BAZ2B: variants seen among roughly 807,000 people sequenced by gnomAD.
The protein encoded by BAZ2B is bromodomain adjacent to zinc finger domain 2B, also known as bromodomain adjacent to zinc finger domain protein 2B.
BAZ2B carries 91 observed loss-of-function variants against 246.0 expected under a neutral mutation model. The ratio of observed to expected loss-of-function variants is 0.37; its 90% confidence interval spans 0.31 to 0.44. The LOEUF (loss-of-function observed/expected upper bound fraction) is 0.44, where lower values mean the gene tolerates loss of function less well. Among genes scored for constraint, BAZ2B ranks in the 20% least tolerant of loss-of-function variants. The pLI is 1.00. For synonymous variants in BAZ2B, 855 were observed against 860.0 expected (o/e 0.99, Z 0.10); for missense variants, 2,332 against 2,533.7 (o/e 0.92, Z 1.71).
At chr2:159,436,914 A>G (rs184858523) in intron 8 of BAZ2B, among the ~76,000 whole-genome samples, 1 of 152,336 alleles carries the variant, frequency 6.6e-6, no homozygotes, top group East Asian at 1.9e-4. Context: ...CTTTAAGAAA[A>G]TAATGAACTA....
At chr2:159,564,942 C>T (rs2090221918) in intron 1 of BAZ2B, among the ~76,000 whole-genome samples, 1 of 152,200 alleles carries the variant, frequency 6.6e-6, no homozygotes, top group Admixed American at 6.5e-5. Flanking sequence ...ACGATCTTGG[C>T]TCACTGCAAC....
chr2:159,691,866 ATGAACACT>A, the BAZ2B span, among the ~76,000 whole-genome samples: 1 of 152,242 alleles, frequency 6.6e-6, no homozygotes, highest in Non-Finnish European at 1.5e-5. Flanking sequence ...AGCATATACT[ATGAACACT>A]TGAGCTCACC....
At chr2:159,561,112 C>T (rs1459796692) in intron 1 of BAZ2B, among the ~76,000 whole-genome samples, 2 of 152,118 alleles carry the variant, frequency 1.3e-5, no homozygotes, top group Non-Finnish European at 2.9e-5. Context: ...CCCACCAAAT[C>T]TCATGTTGAA....
At chr2:159,392,533 T>G (rs2063476415) in intron 20 of BAZ2B, among the ~76,000 whole-genome samples, 1 of 152,152 alleles carries the variant, frequency 6.6e-6, no homozygotes, top group Admixed American at 6.6e-5. Flanking sequence ...TTCACCTGTT[T>G]CTTCATGGAC....
the BAZ2B span, among the ~76,000 whole-genome samples, chr2:159,627,772 CCT>C: frequency 2.0e-5 from 3 of 152,032 alleles, no homozygotes; most frequent in African/African-American, 7.3e-5. Context: ...ACAAGGATGC[CCT>C]CTCTCACCTC....
At chr2:159,481,555 A>C (rs2079230802) in intron 2 of BAZ2B, among the ~76,000 whole-genome samples, 2 of 151,944 alleles carry the variant, frequency 1.3e-5, no homozygotes, top group Non-Finnish European at 2.9e-5. Flanking sequence ...AATATCAATT[A>C]AATGAAAAGA....
At chr2:159,517,414 C>T (rs1259900012) in intron 2 of BAZ2B, among the ~76,000 whole-genome samples, 1 of 151,800 alleles carries the variant, frequency 6.6e-6, no homozygotes, top group Non-Finnish European at 1.5e-5. Flanking sequence ...AAAAACCCAA[C>T]TCCATCAAAA....
Position 159,331,490 on chromosome 2 carries a change from C to T in BAZ2B, c.5943+1050G>A, listed in dbSNP as rs555567137. Reference sequence around the variant, plus strand: ...TCAAGCGGTTCTCCTGCCTGAGCCCCCCAAATAGTTGGGACTACAGGCATG... The same window carrying T: ...TCAAGCGGTTCTCCTGCCTGAGCCCTCCAAATAGTTGGGACTACAGGCATG... On this transcript the variant is annotated intron_variant, in intron 34 of 36. Coordinates refer to ENST00000392783, the MANE Select transcript of BAZ2B (RefSeq NM_013450.4). 1.3e-5 allele frequency among the ~76,000 whole-genome samples: 2 copies of T among 152,350 alleles called. 1 individual carries two copies. The highest frequency in any genetic ancestry group is 4.1e-4 in the South Asian group (2 of 4,828).
intron 36 of BAZ2B, among the ~76,000 whole-genome samples, chr2:159,323,801 C>CAAAAAAAAAAAAAA (rs70994291): frequency 7.8e-6 from 1 of 127,512 alleles, no homozygotes. Context: ...GAAACTCTCT[C>CAAAAAAAAAAAAAA]AAAAAAAAAA....
chr2:159,326,431 C>T (rs1234458213), intron 34 of BAZ2B, among the ~76,000 whole-genome samples: 1 of 151,856 alleles, frequency 6.6e-6, no homozygotes, highest in African/African-American at 2.4e-5. Context: ...ATTTTTTTTC[C>T]TGGATAAAAG....
At chr2:159,690,557 G>T in the BAZ2B span, among the ~76,000 whole-genome samples, 2 of 152,054 alleles carry the variant, frequency 1.3e-5, no homozygotes, top group South Asian at 4.2e-4. Context: ...AATTTTATAG[G>T]CTACTAGTTA....
chr2:159,633,681 G>A, the BAZ2B span, among the ~76,000 whole-genome samples: 1 of 145,828 alleles, frequency 6.9e-6, no homozygotes, highest in Non-Finnish European at 1.5e-5. Flanking sequence ...TAGCCAGTAT[G>A]TTTCAGGTTG....
intron 33 of BAZ2B, 68 bp downstream of exon 33, chr2:159,336,874 G>A: frequency 7.5e-7 from 1 of 1,330,182 alleles, no homozygotes; most frequent in Non-Finnish European, 1.0e-6. Context: ...AATTAAGAAA[G>A]ATCTGGAGGT....
rs1188212252 is a variant in BAZ2B, at chr2:159,603,616, T to A, written c.-46+12626A>T. Among the ~76,000 whole-genome samples, 7 of 151,846 alleles carry A rather than the reference T, an allele frequency of 4.6e-5. No homozygotes were observed. In the East Asian group the frequency reaches 1.3e-3, roughly 29 times the overall value. ...CTTCATTCACCCTGTTAAAAAAAAA[T>A]CATCTTCCTATATTTCCTTCCCAGA... On this transcript the variant is annotated intron_variant, in intron 1 of 36. Transcript: ENST00000392783.
intron 2 of BAZ2B, among the ~76,000 whole-genome samples, chr2:159,511,198 ATTTC>A (rs1348614500): frequency 5.3e-5 from 8 of 152,008 alleles, no homozygotes; most frequent in African/African-American, 1.7e-4. Context: ...TTCTCTGGAC[ATTTC>A]TTTCTTTCTT....
At chr2:159,543,817 C>T (rs62173249) in intron 2 of BAZ2B, among the ~76,000 whole-genome samples, 8 of 152,242 alleles carry the variant, frequency 5.3e-5, no homozygotes, top group Admixed American at 2.0e-4. Context: ...TACAGGCATG[C>T]GCCACCGCGC....
chr2:159,554,078 A>G (rs911270960), intron 2 of BAZ2B, among the ~76,000 whole-genome samples: 1 of 152,302 alleles, frequency 6.6e-6, no homozygotes, highest in African/African-American at 2.4e-5. Flanking sequence ...GGTTTCTAAT[A>G]TCAGTCACTT....
At chr2:159,611,309 CTTAAT>C (rs1262774492) in intron 1 of BAZ2B, among the ~76,000 whole-genome samples, 2 of 151,724 alleles carry the variant, frequency 1.3e-5, no homozygotes, top group Non-Finnish European at 2.9e-5. Context: ...TTCAATGTTC[CTTAAT>C]TTGATTTATA....
chr2:159,652,346 A>G, the BAZ2B span, among the ~76,000 whole-genome samples: 4 of 151,944 alleles, frequency 2.6e-5, no homozygotes, highest in Admixed American at 2.0e-4. Context: ...TATAGCTGAG[A>G]TTATAGGCGC....
Sources: allele counts gnomAD v4.1 joint callset (sites outside exome capture counted in the v4.1 genomes callset), GRCh38; gene constraint gnomAD v4.1.1; transcripts MANE v1.5; gene names NCBI Gene and HGNC (gene_info 2026-07-23, HGNC 2026-07-21).